The following SLC4A4 variants were observed in gnomAD, a reference collection of about 807,000 sequenced individuals.
SLC4A4 encodes electrogenic sodium bicarbonate cotransporter 1.
In SLC4A4, 27 loss-of-function variants were observed where a neutral mutation model predicts 111.5. That is an observed-to-expected ratio of 0.24 (90% CI 0.18 to 0.33). The LOEUF (loss-of-function observed/expected upper bound fraction) is 0.33. Ranked by LOEUF, SLC4A4 falls within the 10% of genes least tolerant of loss-of-function variation. The pLI is 1.00. For synonymous variants in SLC4A4, 443 were observed against 463.4 expected (o/e 0.96, Z 0.57); for missense variants, 909 against 1,315.5 (o/e 0.69, Z 4.78).
intron 3 of SLC4A4, among the ~76,000 whole-genome samples, chr4:71,261,109 G>A (rs185957982): frequency 1.1e-4 from 16 of 152,234 alleles, no homozygotes; most frequent in African/African-American, 1.9e-4. Context: ...GGCTCCTAAC[G>A]GCATATTTGA....
At chr4:71,528,534 C>T (rs577193977) in intron 16 of SLC4A4, among the ~76,000 whole-genome samples, 2 of 152,070 alleles carry the variant, frequency 1.3e-5, no homozygotes, top group African/African-American at 4.8e-5. Context: ...ATATAACATT[C>T]TAGAAGGTAA....
At chr4:71,208,355 C>T (rs1019160630) in intron 1 of SLC4A4, among the ~76,000 whole-genome samples, 7 of 151,090 alleles carry the variant, frequency 4.6e-5, no homozygotes, top group South Asian at 2.1e-4. Context: ...GGTGTGAACC[C>T]GGGAGGCGGA....
intron 2 of SLC4A4, among the ~76,000 whole-genome samples, chr4:71,146,813 G>A (rs768139088): frequency 1.3e-5 from 2 of 152,124 alleles, no homozygotes; most frequent in South Asian, 4.1e-4. Context: ...ATCAAGGCTA[G>A]GAAGAAACTG....
rs1404535084 is a variant in SLC4A4, at chr4:71,472,984, G to A, written c.1903+14G>A. The A allele has an allele frequency of 6.2e-6, 10 of 1,612,594 alleles. No individual in the cohort carries two copies. The highest frequency in any genetic ancestry group is 1.7e-5 in the Admixed American group (1 of 59,822). On this transcript the variant is annotated intron_variant, in intron 14 of 25. Transcript: ENST00000264485. ...CACCTGACCCAGGTGAGGGCATTAC[G>A]CTTTGTGTTTATGCTCGCTTTGTAT...
At chr4:71,090,553 C>G (rs1578469983) in intron 1 of SLC4A4, among the ~76,000 whole-genome samples, 2 of 152,146 alleles carry the variant, frequency 1.3e-5, no homozygotes, top group Non-Finnish European at 2.9e-5. Context: ...GAGTGAGAGG[C>G]TATCAGTTTG....
chr4:71,374,354 T>C (rs1732153472), intron 6 of SLC4A4, among the ~76,000 whole-genome samples: 1 of 152,206 alleles, frequency 6.6e-6, no homozygotes, highest in Non-Finnish European at 1.5e-5. Flanking sequence ...AAAAATTCCT[T>C]CACTGTAGCT....
chr4:71,536,193 G>A (rs1422852614), intron 18 of SLC4A4, among the ~76,000 whole-genome samples: 1 of 151,474 alleles, frequency 6.6e-6, no homozygotes, highest in Non-Finnish European at 1.5e-5. Flanking sequence ...TCTGCAACTG[G>A]CACAGCCTTA....
intron 6 of SLC4A4, among the ~76,000 whole-genome samples, chr4:71,386,028 C>T (rs1270612956): frequency 1.3e-5 from 2 of 150,238 alleles, no homozygotes; most frequent in Middle Eastern, 3.4e-3. Context: ...TTTTTTTGGC[C>T]CCAGCTTTTC....
intron 6 of SLC4A4, among the ~76,000 whole-genome samples, chr4:71,395,522 A>G (rs917983283): frequency 2.6e-5 from 4 of 152,168 alleles, no homozygotes; most frequent in Non-Finnish European, 5.9e-5. Flanking sequence ...TAGCCATACT[A>G]TCACTGTCTT....
chr4:71,480,775 ATAG>A (rs928945360), intron 14 of SLC4A4, among the ~76,000 whole-genome samples: 57 of 151,886 alleles, frequency 3.8e-4, no homozygotes, highest in African/African-American at 1.4e-3. Flanking sequence ...TCAGTGCCAC[ATAG>A]CTGTAACCCT....
chr4:71,186,634 G>A (rs1028999555), upstream of SLC4A4: 2 of 151,540 alleles, frequency 1.3e-5, no homozygotes, highest in Admixed American at 1.3e-4. Context: ...CGCCGCCGAT[G>A]CCCGGGCGGC....
intron 7 of SLC4A4, among the ~76,000 whole-genome samples, chr4:71,413,238 C>G (rs1328500237): frequency 2.6e-5 from 4 of 152,188 alleles, no homozygotes; most frequent in African/African-American, 9.6e-5. Context: ...TATAGCTATA[C>G]AGCTGCCTGT....
chr4:71,489,747 CT>C (rs1729738099), intron 15 of SLC4A4, among the ~76,000 whole-genome samples: 1 of 151,592 alleles, frequency 6.6e-6, no homozygotes, highest in Non-Finnish European at 1.5e-5. Flanking sequence ...CTTAATTTTC[CT>C]TTTTTCATTT....
chr4:71,233,283 T>G, intron 1 of SLC4A4: 1 of 985,350 alleles, frequency 1.0e-6, no homozygotes, highest in South Asian at 4.7e-5. Context: ...AACTACTGAA[T>G]GCCTCCTCTG....
chr4:71,387,489 A>G (rs1276240449), intron 6 of SLC4A4, among the ~76,000 whole-genome samples: 1 of 152,052 alleles, frequency 6.6e-6, no homozygotes, highest in African/African-American at 2.4e-5. Context: ...CCCTACTTCA[A>G]GTATTTATTT....
intron 15 of SLC4A4, among the ~76,000 whole-genome samples, chr4:71,496,630 C>G (rs981966808): frequency 1.3e-5 from 2 of 151,972 alleles, no homozygotes; most frequent in African/African-American, 4.8e-5. Flanking sequence ...GCAGCTAGTA[C>G]TCAGAGCAAC....
chr4:71,303,249 A>G (rs565499874), intron 3 of SLC4A4, among the ~76,000 whole-genome samples: 1 of 152,320 alleles, frequency 6.6e-6, no homozygotes, highest in African/African-American at 2.4e-5. Flanking sequence ...TTTATTGATT[A>G]CTCATGTAAT....
At chr4:71,286,927 T>C (rs1242691495) in intron 3 of SLC4A4, among the ~76,000 whole-genome samples, 1 of 152,216 alleles carries the variant, frequency 6.6e-6, no homozygotes, top group Non-Finnish European at 1.5e-5. Flanking sequence ...ATGAGTTTTT[T>C]TTTTTTAACT....
intron 18 of SLC4A4, among the ~76,000 whole-genome samples, chr4:71,537,116 T>C (rs1370813303): frequency 6.6e-6 from 1 of 151,992 alleles, no homozygotes; most frequent in Non-Finnish European, 1.5e-5. Context: ...TGGGTTTCTA[T>C]AGTCAGCCAA....
Sources: allele counts gnomAD v4.1 joint callset (sites outside exome capture counted in the v4.1 genomes callset), GRCh38; gene constraint gnomAD v4.1.1; transcripts MANE v1.5; gene names NCBI Gene and HGNC (gene_info 2026-07-23, HGNC 2026-07-21).